IQCJ: variants seen among roughly 807,000 people sequenced by gnomAD.
The protein encoded by IQCJ is IQ domain-containing protein J.
A neutral mutation model predicts 11.0 loss-of-function variants in IQCJ; 9 were observed. The ratio of observed to expected loss-of-function variants is 0.82; its 90% CI spans 0.49 to 1.43. The LOEUF (loss-of-function observed/expected upper bound fraction) is 1.43, where lower values mean the gene tolerates loss of function less well. IQCJ is among the 40% of genes most tolerant of loss of function. IQCJ has a pLI of 0.00. For missense variants in IQCJ, 146 were observed against 133.2 expected, an observed-to-expected ratio of 1.10 and a Z score of -0.47; for synonymous variants, 55 against 51.3, an observed-to-expected ratio of 1.07 and a Z score of -0.31.
At chr3:159,130,046 TTCTAGTGTTGCACTCC>T (rs1559996577) in intron 1 of IQCJ, among the ~76,000 whole-genome samples, 2 of 152,122 alleles carry the variant, frequency 1.3e-5, no homozygotes, top group African/African-American at 2.4e-5. Flanking sequence ...ACCATAGGAT[TTCTAGTGTTGCACTCC>T]TGTAGCAAAC....
At chr3:159,171,169 C>T (rs192621448) in intron 1 of IQCJ, among the ~76,000 whole-genome samples, 27 of 151,824 alleles carry the variant, frequency 1.8e-4, no homozygotes, top group East Asian at 1.7e-3. Context: ...AAACCAGCAA[C>T]GAGGTACTAT....
At chr3:159,236,382 A>G (rs1176964597) in intron 1 of IQCJ, among the ~76,000 whole-genome samples, 1 of 151,892 alleles carries the variant, frequency 6.6e-6, no homozygotes, top group Non-Finnish European at 1.5e-5. Flanking sequence ...TGAGATGACT[A>G]TTAATGCCCA....
downstream of IQCJ, among the ~76,000 whole-genome samples, chr3:159,264,723 C>A (rs1002472855): frequency 1.3e-5 from 2 of 152,120 alleles, no homozygotes; most frequent in Admixed American, 6.5e-5. Context: ...ATCAGCCTAG[C>A]TAACATAGCG....
intron 1 of IQCJ, among the ~76,000 whole-genome samples, chr3:159,088,680 T>G (rs1188466255): frequency 5.9e-5 from 9 of 152,194 alleles, no homozygotes; most frequent in Non-Finnish European, 1.3e-4. Context: ...GTAATGGCCT[T>G]CTTTGTCTCT....
At chr3:159,167,346 C>A (rs1302087893) in intron 1 of IQCJ, among the ~76,000 whole-genome samples, 1 of 152,138 alleles carries the variant, frequency 6.6e-6, no homozygotes, top group Non-Finnish European at 1.5e-5. Flanking sequence ...TCATCCAAGT[C>A]ACGGAGCTGA....
At chr3:159,265,693 C>T (rs1728457412), downstream of IQCJ, 1 of 233,886 alleles carries the variant, frequency 4.3e-6, no homozygotes, top group Non-Finnish European at 8.4e-6. Context: ...ATCTGATCAA[C>T]TGACTGTCTT....
chr3:159,107,948 A>G (rs1263621489), intron 1 of IQCJ, among the ~76,000 whole-genome samples: 1 of 137,174 alleles, frequency 7.3e-6, no homozygotes, highest in Non-Finnish European at 1.5e-5. Context: ...TCCTGCTTGC[A>G]GGCTTCCTTA....
chr3:159,123,449 C>T (rs1559994241), intron 1 of IQCJ, among the ~76,000 whole-genome samples: 1 of 152,132 alleles, frequency 6.6e-6, no homozygotes, highest in Non-Finnish European at 1.5e-5. Flanking sequence ...CAGTCAGCTT[C>T]TAAGATCTGT....
At chr3:159,183,805 G>A (rs1357683196) in intron 1 of IQCJ, among the ~76,000 whole-genome samples, 1 of 152,114 alleles carries the variant, frequency 6.6e-6, no homozygotes, top group Non-Finnish European at 1.5e-5. Flanking sequence ...ATGTCTCACA[G>A]TAATCTTCGA....
intron 1 of IQCJ, among the ~76,000 whole-genome samples, chr3:159,168,670 C>G (rs1331498952): frequency 6.6e-6 from 1 of 152,048 alleles, no homozygotes; most frequent in Non-Finnish European, 1.5e-5. Flanking sequence ...ATGTCTACCC[C>G]CCATTGTTAA....
intron 1 of IQCJ, among the ~76,000 whole-genome samples, chr3:159,128,397 G>A (rs2108155353): frequency 6.6e-6 from 1 of 152,298 alleles, no homozygotes; most frequent in African/African-American, 2.4e-5. Context: ...GTGCAGACAA[G>A]AATCTTCTCA....
intron 1 of IQCJ, among the ~76,000 whole-genome samples, chr3:159,102,314 A>G (rs965238601): frequency 1.3e-5 from 2 of 152,224 alleles, no homozygotes; most frequent in Non-Finnish European, 2.9e-5. Context: ...ACACCTTGGT[A>G]ATAGTATTAT....
At chr3:159,254,872 T>C (rs1354380758) in intron 3 of IQCJ, among the ~76,000 whole-genome samples, 1 of 152,214 alleles carries the variant, frequency 6.6e-6, no homozygotes, top group African/African-American at 2.4e-5. Context: ...TTTGGGACTC[T>C]GAGGGAAGGG....
In IQCJ at chr3:159,163,292, C is replaced by A. The variant is rs551382172; in HGVS notation, c.10-82551C>A. On this transcript the variant is annotated intron_variant, in intron 1 of 3. Transcript: ENST00000397832. ...ATATACACAAATCAATGAATGTAAT[C>A]CAGCATATAAACAGAACCAAAGACA... Among the ~76,000 whole-genome samples the A allele has an allele frequency of 2.6e-3, 401 of 152,254 alleles. 1 individual carries two copies. Among genetic ancestry groups the A allele is most frequent in the Middle Eastern group, 3.4e-3 (1 of 294 alleles).
rs1477922347 is a variant in IQCJ at position 159,257,558 on chromosome 3, G to A, written c.155+4751G>A. Among the ~76,000 whole-genome samples the A allele has an allele frequency of 9.2e-5, 14 of 152,256 alleles. No individual in the cohort carries two copies. In the South Asian group the frequency reaches 1.2e-3, roughly 14 times the overall value. On this transcript the variant is annotated intron_variant, in intron 3 of 3. Transcript: ENST00000397832. ...TGAAGTCGAGAGCTACAAACCGGGC[G>A]GATACTGGAGTGGAGGGGAAGCAGG...
chr3:159,091,751 G>A (rs1222050326), intron 1 of IQCJ, among the ~76,000 whole-genome samples: 1 of 150,420 alleles, frequency 6.6e-6, no homozygotes, highest in Non-Finnish European at 1.5e-5. Context: ...TAAAATTTGG[G>A]ACAATTTGAG....
chr3:159,146,660 A>G (rs559941247), intron 1 of IQCJ, among the ~76,000 whole-genome samples: 21 of 152,332 alleles, frequency 1.4e-4, no homozygotes, highest in Admixed American at 1.4e-3. Flanking sequence ...GGGCAAAACA[A>G]CTTATGAGCT....
chr3:159,077,786 A>T (rs1175944071), intron 1 of IQCJ, among the ~76,000 whole-genome samples: 1 of 152,112 alleles, frequency 6.6e-6, no homozygotes, highest in East Asian at 1.9e-4. Flanking sequence ...AAACATGGGC[A>T]TATATTGCTT....
At chr3:159,205,214 A>G (rs1724583485) in intron 1 of IQCJ, among the ~76,000 whole-genome samples, 2 of 152,224 alleles carry the variant, frequency 1.3e-5, no homozygotes, top group Admixed American at 1.3e-4. Context: ...AACTCACTGA[A>G]AGAAGTTATA....
Sources: gnomAD v4.1 joint callset for allele counts (sites outside exome capture counted in the v4.1 genomes callset) on GRCh38, gnomAD v4.1.1 for gene constraint, MANE v1.5 for transcripts, NCBI Gene and HGNC (gene_info 2026-07-23, HGNC 2026-07-21) for gene names.